CPAP: variants seen among roughly 807,000 people sequenced by gnomAD.
CPAP encodes the protein centrosomal P4.1-associated protein.
the CPAP span, among the ~76,000 whole-genome samples, chr13:24,920,784 CTTT>C: frequency 1.4e-5 from 2 of 140,158 alleles, no homozygotes; most frequent in Non-Finnish European, 1.5e-5. Flanking sequence ...CCATACCTGG[CTTT>C]TTTTTTTTTT....
At chr13:24,910,092 A>T in the CPAP span, 1 of 1,610,686 alleles carries the variant, frequency 6.2e-7, no homozygotes, top group Non-Finnish European at 8.5e-7. Flanking sequence ...CAAACCTTAC[A>T]ATTAAGAAAT....
chr13:24,912,951 A>G, the CPAP span: 2 of 1,614,224 alleles, frequency 1.2e-6, no homozygotes, highest in Non-Finnish European at 8.5e-7. Context: ...CCCCAGCCCG[A>G]GAAGGATTGG....
chr13:24,920,150 G>GAGTAA, the CPAP span, among the ~76,000 whole-genome samples: 1 of 152,194 alleles, frequency 6.6e-6, no homozygotes, highest in Non-Finnish European at 1.5e-5. Context: ...TTTACAACAA[G>GAGTAA]AGACTGCTGT....
At chr13:24,916,979 G>A in the CPAP span, among the ~76,000 whole-genome samples, 2 of 152,140 alleles carry the variant, frequency 1.3e-5, no homozygotes, top group African/African-American at 2.4e-5. Context: ...GGCCCGGTGC[G>A]GTAGCTCACG....
chr13:24,890,058 C>G, the CPAP span, among the ~76,000 whole-genome samples: 2 of 152,162 alleles, frequency 1.3e-5, no homozygotes, highest in Non-Finnish European at 2.9e-5. Flanking sequence ...TCAAAGCATT[C>G]TACTTACAAA....
At chr13:24,929,242 T>C in the CPAP span, among the ~76,000 whole-genome samples, 2 of 152,194 alleles carry the variant, frequency 1.3e-5, no homozygotes, top group Non-Finnish European at 2.9e-5. Context: ...TTTTGTTTTT[T>C]GTAGAGATGG....
At chr13:24,919,336 G>A in the CPAP span, among the ~76,000 whole-genome samples, 2 of 152,116 alleles carry the variant, frequency 1.3e-5, no homozygotes, top group African/African-American at 4.8e-5. Context: ...ATTTAGGTGT[G>A]TTTTATCTCA....
chr13:24,931,702 ATATTTCTAAC>A, the CPAP span, among the ~76,000 whole-genome samples: 1 of 152,254 alleles, frequency 6.6e-6, no homozygotes, highest in Non-Finnish European at 1.5e-5. Context: ...TTACAAAAAT[ATATTTCTAAC>A]TAGTTACAAA....
chr13:24,907,060 A>G, the CPAP span: 9 of 1,604,694 alleles, frequency 5.6e-6, no homozygotes, highest in Non-Finnish European at 7.7e-6. Flanking sequence ...AAGCCTTAGA[A>G]TGATTTAATC....
At chr13:24,909,839 T>C in the CPAP span, 2 of 1,613,850 alleles carry the variant, frequency 1.2e-6, no homozygotes, top group Non-Finnish European at 1.7e-6. Context: ...TTTCCACAGG[T>C]GCTTCTTGAT....
At chr13:24,915,041 C>T in the CPAP span, among the ~76,000 whole-genome samples, 1 of 152,150 alleles carries the variant, frequency 6.6e-6, no homozygotes, top group Admixed American at 6.5e-5. Context: ...CACCACTGCA[C>T]TCCAGCCTAG....
At chr13:24,932,312 T>G in the CPAP span, among the ~76,000 whole-genome samples, 5 of 152,108 alleles carry the variant, frequency 3.3e-5, no homozygotes, top group African/African-American at 1.2e-4. Flanking sequence ...CCATTTCTAG[T>G]AAAAATAGAA....
the CPAP span, among the ~76,000 whole-genome samples, chr13:24,892,326 C>A: frequency 6.6e-6 from 1 of 152,156 alleles, no homozygotes; most frequent in African/African-American, 2.4e-5. Context: ...TGCAAAGTAC[C>A]CGTTTACAGC....
chr13:24,882,905 A>C, the CPAP span: 1 of 441,372 alleles, frequency 2.3e-6, no homozygotes, highest in Non-Finnish European at 4.2e-6. Flanking sequence ...TAACCAATAA[A>C]CACACCCACT....
the CPAP span, chr13:24,906,763 A>AG: frequency 6.2e-7 from 1 of 1,614,096 alleles, no homozygotes; most frequent in Non-Finnish European, 8.5e-7. Flanking sequence ...TATTTTTAAG[A>AG]GCGGTTTTCC....
chr13:24,909,345 G>T, the CPAP span, among the ~76,000 whole-genome samples: 1 of 152,104 alleles, frequency 6.6e-6, no homozygotes, highest in South Asian at 2.1e-4. Flanking sequence ...TGGCCAACAT[G>T]TTGAAACCCC....
At chr13:24,930,486 C>T in the CPAP span, among the ~76,000 whole-genome samples, 2 of 152,208 alleles carry the variant, frequency 1.3e-5, no homozygotes, top group African/African-American at 4.8e-5. Flanking sequence ...TAGTAGTCCC[C>T]AGTGTCTATT....
chr13:24,883,218 T>G, the CPAP span: 1 of 1,614,078 alleles, frequency 6.2e-7, no homozygotes, highest in Non-Finnish European at 8.5e-7. Context: ...TCCTTGTCCT[T>G]AACTCTTATC....
At chr13:24,912,758 ACTG>A in the CPAP span, 1 of 1,614,140 alleles carries the variant, frequency 6.2e-7, no homozygotes, top group South Asian at 1.1e-5. Flanking sequence ...GATTTATCTG[ACTG>A]TGGTTTGTAA....
Sources: gnomAD v4.1 joint callset for allele counts (sites outside exome capture counted in the v4.1 genomes callset) on GRCh38, gnomAD v4.1.1 for gene constraint, MANE v1.5 for transcripts, NCBI Gene and HGNC (gene_info 2026-07-23, HGNC 2026-07-21) for gene names.